Variants in GPHN observed in about 807,000 individuals in gnomAD.
GPHN encodes the protein gephyrin.
In GPHN, 17 loss-of-function variants were observed where a neutral mutation model predicts 95.5. That is an observed-to-expected ratio of 0.18 (90% confidence interval 0.12 to 0.27). The LOEUF (loss-of-function observed/expected upper bound fraction) is 0.27. Ranked by LOEUF, GPHN falls within the 10% of genes least tolerant of loss-of-function variation. The pLI is 1.00. For synonymous variants in GPHN, 320 were observed against 322.5 expected, an observed-to-expected ratio of 0.99 and a Z score of 0.08; for missense variants, 660 against 978.1, an observed-to-expected ratio of 0.67 and a Z score of 4.34.
At chr14:67,004,321 T>C (rs1026783124) in intron 9 of GPHN, among the ~76,000 whole-genome samples, 1 of 151,810 alleles carries the variant, frequency 6.6e-6, no homozygotes, top group Non-Finnish European at 1.5e-5. Flanking sequence ...TTGTTTATAC[T>C]TTCAGTTTTG....
At chr14:67,369,415 T>G in the GPHN span, among the ~76,000 whole-genome samples, 1 of 152,200 alleles carries the variant, frequency 6.6e-6, no homozygotes, top group Non-Finnish European at 1.5e-5. Context: ...TAATCATAGT[T>G]GGAAGTTTGA....
intron 1 of GPHN, among the ~76,000 whole-genome samples, chr14:66,585,483 G>T (rs1480916394): frequency 6.6e-6 from 1 of 151,854 alleles, no homozygotes; most frequent in African/African-American, 2.4e-5. Context: ...GTGATGTTAG[G>T]GTGTCAATTT....
At chr14:67,300,787 TA>T in the GPHN span, among the ~76,000 whole-genome samples, 1 of 152,194 alleles carries the variant, frequency 6.6e-6, no homozygotes, top group Admixed American at 6.5e-5. Flanking sequence ...TCCATTATAT[TA>T]TGGTGATTGT....
At chr14:66,684,649 C>G (rs2067219164) in intron 2 of GPHN, among the ~76,000 whole-genome samples, 2 of 151,976 alleles carry the variant, frequency 1.3e-5, no homozygotes, top group African/African-American at 4.8e-5. Flanking sequence ...ACCAAGTGAG[C>G]TATTGTGTGA....
intron 4 of GPHN, among the ~76,000 whole-genome samples, chr14:66,863,226 T>C (rs976880757): frequency 4.7e-5 from 7 of 148,652 alleles, no homozygotes; most frequent in African/African-American, 1.7e-4. Flanking sequence ...CCATTTACAA[T>C]AGCCACAGAG....
chr14:66,721,690 C>A (rs955918601), intron 2 of GPHN, among the ~76,000 whole-genome samples: 1 of 152,058 alleles, frequency 6.6e-6, no homozygotes, highest in Non-Finnish European at 1.5e-5. Flanking sequence ...GTGCCTCATG[C>A]CTGTAATCTC....
At chr14:67,642,356 G>C in the GPHN span, 4 of 1,613,744 alleles carry the variant, frequency 2.5e-6, no homozygotes, top group Non-Finnish European at 3.4e-6. Context: ...ACTGGGAGGA[G>C]ACCACAGGTA....
the GPHN span, among the ~76,000 whole-genome samples, chr14:67,247,315 G>A: frequency 6.6e-6 from 1 of 152,192 alleles, no homozygotes; most frequent in South Asian, 2.1e-4. Flanking sequence ...TCAGATTCCA[G>A]TTGATCACTG....
chr14:67,418,429 C>A, the GPHN span, among the ~76,000 whole-genome samples: 1 of 152,300 alleles, frequency 6.6e-6, no homozygotes, highest in South Asian at 2.1e-4. Context: ...TTCCCCTATC[C>A]CCTGTGATAG....
chr14:67,233,800 G>C, the GPHN span, among the ~76,000 whole-genome samples: 8 of 152,136 alleles, frequency 5.3e-5, no homozygotes, highest in African/African-American at 1.7e-4. Context: ...AAGAACACCT[G>C]GATAACTGGA....
intron 2 of GPHN, among the ~76,000 whole-genome samples, chr14:66,774,699 T>C (rs2059317956): frequency 6.6e-6 from 1 of 152,206 alleles, no homozygotes; most frequent in South Asian, 2.1e-4. Context: ...CCAACTTTTA[T>C]TTCTATCTGA....
At chr14:66,659,598 T>C (rs2065518626) in intron 1 of GPHN, among the ~76,000 whole-genome samples, 1 of 152,098 alleles carries the variant, frequency 6.6e-6, no homozygotes, top group Non-Finnish European at 1.5e-5. Context: ...TTTTGCAGCT[T>C]TGTTGTTTGT....
chr14:67,161,652 T>C (rs1303935489), intron 19 of GPHN, among the ~76,000 whole-genome samples: 1 of 151,924 alleles, frequency 6.6e-6, no homozygotes, highest in Non-Finnish European at 1.5e-5. Context: ...TCCCAGCTAC[T>C]TGGGAGGCTA....
At chr14:67,302,204 T>A in the GPHN span, 1 of 1,383,938 alleles carries the variant, frequency 7.2e-7, no homozygotes, top group Non-Finnish European at 9.6e-7. Context: ...AGAATTCTAA[T>A]GAATAGAGTA....
the GPHN span, among the ~76,000 whole-genome samples, chr14:67,492,514 C>T: frequency 6.6e-6 from 1 of 152,238 alleles, no homozygotes. Context: ...CTTCCCACTA[C>T]TGCCCATGTC....
chr14:66,920,898 C>T (rs1464282102), intron 6 of GPHN, among the ~76,000 whole-genome samples: 2 of 152,152 alleles, frequency 1.3e-5, no homozygotes, highest in Non-Finnish European at 2.9e-5. Flanking sequence ...AGTCTGTAAT[C>T]TCATCCAGGT....
the GPHN span, among the ~76,000 whole-genome samples, chr14:67,620,536 A>G: frequency 1.4e-4 from 22 of 152,156 alleles, no homozygotes; most frequent in South Asian, 1.2e-3. Context: ...ATTAACTGGG[A>G]GGGAAATTGG....
the GPHN span, chr14:67,555,817 C>T: frequency 5.0e-6 from 8 of 1,612,844 alleles, no homozygotes; most frequent in Admixed American, 1.0e-4. Context: ...TTCTCTCTGG[C>T]CAAGCAGATG....
chr14:67,582,881 C>T, the GPHN span, among the ~76,000 whole-genome samples: 1 of 152,022 alleles, frequency 6.6e-6, no homozygotes, highest in Non-Finnish European at 1.5e-5. This position sits in a 1 kb window ranked among gnomAD's most constrained non-coding sequence, Gnocchi z 5.0. Flanking sequence ...CTCTGCCAGC[C>T]TCCACAGGGT....
Sources: allele counts gnomAD v4.1 joint callset (sites outside exome capture counted in the v4.1 genomes callset), GRCh38; gene constraint gnomAD v4.1.1; non-coding constraint Gnocchi (gnomAD v3.1); transcripts MANE v1.5; gene names NCBI Gene and HGNC (gene_info 2026-07-23, HGNC 2026-07-21).